Variants in SEC23A observed in about 807,000 individuals in gnomAD.
SEC23A encodes the protein protein transport protein Sec23A.
In SEC23A, 56 loss-of-function variants were observed where a neutral mutation model predicts 103.7. The ratio of observed to expected loss-of-function variants is 0.54; its 90% confidence interval spans 0.44 to 0.67. The LOEUF (loss-of-function observed/expected upper bound fraction) is 0.67. SEC23A is among the 30% of genes least tolerant of loss of function. The probability of loss-of-function intolerance (pLI) is 0.00; values close to 1 mark genes in which losing one functional copy is unlikely to be tolerated. For synonymous variants in SEC23A, 281 were observed against 293.0 expected (o/e 0.96, Z 0.42); for missense variants, 784 against 936.4 (o/e 0.84, Z 2.12).
chr14:39,039,597 G>A, intron 18 of SEC23A: 1 of 155,120 alleles, frequency 6.4e-6, no homozygotes, highest in Admixed American at 6.5e-5. Context: ...GAATAAAAGA[G>A]GAAAATGGTA....
intron 1 of SEC23A, among the ~76,000 whole-genome samples, chr14:39,100,007 A>G (rs1358567926): frequency 6.6e-6 from 1 of 152,198 alleles, no homozygotes; most frequent in African/African-American, 2.4e-5. Flanking sequence ...GACAATAGCC[A>G]GGTTTAACTT....
At position 39,039,020 on chromosome 14, in the gene SEC23A, T is replaced by G; in HGVS notation, c.2208+11A>C. The G allele has an allele frequency of 6.2e-7, 1 of 1,606,390 alleles. No homozygotes were observed. The highest frequency in any genetic ancestry group is 8.5e-7 in the Non-Finnish European group (1 of 1,173,088). On this transcript the variant is annotated intron_variant, in intron 19 of 19. Transcript: ENST00000307712. ...AAGAAATAATTTCCAAGACCTGCTA[T>G]TTAAACTTACCTGCCCCCAGGCATA...
intron 16 of SEC23A, 43 bp downstream of exon 16, chr14:39,045,120 A>G (rs538731320): frequency 6.4e-7 from 1 of 1,559,680 alleles, no homozygotes; most frequent in East Asian, 2.2e-5. Flanking sequence ...AATGCCACAC[A>G]TTGCAGTAAC....
At chr14:39,093,585 C>T (rs2139291478) in intron 2 of SEC23A, among the ~76,000 whole-genome samples, 1 of 152,150 alleles carries the variant, frequency 6.6e-6, no homozygotes, top group Middle Eastern at 3.4e-3. Flanking sequence ...TATGGTGAAA[C>T]CCAGTCTTCA....
At chr14:39,043,170 T>TG (rs557547112) in intron 16 of SEC23A, among the ~76,000 whole-genome samples, 9 of 151,924 alleles carry the variant, frequency 5.9e-5, no homozygotes, top group Non-Finnish European at 8.8e-5. Context: ...TTTGTAGAGA[T>TG]GGGGTCTCAC....
intron 9 of SEC23A, among the ~76,000 whole-genome samples, 199 bp from the exon 10 acceptor site, chr14:39,067,495 A>G (rs1886709118): frequency 1.3e-5 from 2 of 151,216 alleles, no homozygotes; most frequent in African/African-American, 2.4e-5. Context: ...TTCCGAAGGT[A>G]ACAGAGTACC....
intron 19 of SEC23A, among the ~76,000 whole-genome samples, chr14:39,037,948 C>CT (rs1242122437): frequency 6.6e-6 from 1 of 152,200 alleles, no homozygotes; most frequent in African/African-American, 2.4e-5. Context: ...AACCTACAGA[C>CT]TGCTTCCATT....
chr14:39,100,613 A>G (rs1888053091), intron 1 of SEC23A, among the ~76,000 whole-genome samples: 1 of 151,804 alleles, frequency 6.6e-6, no homozygotes, highest in African/African-American at 2.4e-5. Flanking sequence ...GGGTTTCTCC[A>G]TGTTGGTCAG....
chr14:39,068,331 T>G (rs1886741768), intron 9 of SEC23A, among the ~76,000 whole-genome samples: 1 of 152,156 alleles, frequency 6.6e-6, no homozygotes, highest in Non-Finnish European at 1.5e-5. Context: ...CTTGATAATA[T>G]CTAACAAAAT....
At chr14:39,047,877 G>A (rs1052871810) in intron 15 of SEC23A, among the ~76,000 whole-genome samples, 4 of 152,184 alleles carry the variant, frequency 2.6e-5, no homozygotes, top group Non-Finnish European at 5.9e-5. Flanking sequence ...GGAAGATGGA[G>A]GGATAGATTC....
At chr14:39,040,227 G>A (rs145944429) in intron 18 of SEC23A, 248 of 163,100 alleles carry the variant, frequency 1.5e-3, no homozygotes, top group African/African-American at 5.4e-3. Flanking sequence ...TGTATCTAAC[G>A]TATATGTATC....
chr14:39,083,693 G>A (rs1887317300), intron 7 of SEC23A, among the ~76,000 whole-genome samples: 2 of 146,634 alleles, frequency 1.4e-5, no homozygotes, highest in Admixed American at 7.0e-5. Context: ...CTCCCAAGTA[G>A]CTGGGACTAC....
In SEC23A at chr14:39,086,009, A is replaced by T. The variant is rs547390230; in HGVS notation, c.684-103T>A. ...AAAAATAGAAAACAACACTCTGAAC[A>T]CACAGCAGACCAATGGTTCTCAAAC... On this transcript the variant is annotated intron_variant, in intron 6 of 19. Coordinates refer to ENST00000307712, the MANE Select transcript of SEC23A (RefSeq NM_006364.4). 30 of 995,624 alleles carry T rather than the reference A, an allele frequency of 3.0e-5. No individual in the cohort carries two copies. In the African/African-American group the frequency reaches 4.4e-4, roughly 15 times the overall value. 61.7% of individuals were successfully genotyped at this position (995,624 alleles called of 1,614,324 possible). A position where few individuals can be genotyped will look rare whatever the true frequency, so the allele number is the denominator to read the frequency against.
At chr14:39,074,085 T>C (rs1281500991) in intron 9 of SEC23A, among the ~76,000 whole-genome samples, 2 of 152,210 alleles carry the variant, frequency 1.3e-5, no homozygotes, top group Non-Finnish European at 2.9e-5. Flanking sequence ...CCTGTAAATA[T>C]ACTAAAAGCA....
At chr14:39,040,620 T>TG in intron 18 of SEC23A, 112 bp downstream of exon 18, 2 of 1,366,746 alleles carry the variant, frequency 1.5e-6, no homozygotes, top group South Asian at 2.3e-5. Context: ...ACCTATCTCC[T>TG]TACCTTTCTG....
At chr14:39,064,658 T>G in intron 11 of SEC23A, 2 of 470,814 alleles carry the variant, frequency 4.2e-6, no homozygotes, top group East Asian at 4.1e-5. Flanking sequence ...ACAATCAATA[T>G]AAGAATTTTG....
At chr14:39,069,652 G>A (rs1267542996) in intron 9 of SEC23A, among the ~76,000 whole-genome samples, 5 of 151,800 alleles carry the variant, frequency 3.3e-5, no homozygotes, top group South Asian at 4.2e-4. Flanking sequence ...TAGAGACAGG[G>A]TTTCACCATG....
chr14:39,097,911 C>T (rs1392515681), intron 1 of SEC23A, among the ~76,000 whole-genome samples: 3 of 151,944 alleles, frequency 2.0e-5, no homozygotes, highest in Non-Finnish European at 4.4e-5. Context: ...ATGGCAAAAC[C>T]CCGTCTCTAC....
intron 9 of SEC23A, among the ~76,000 whole-genome samples, chr14:39,072,116 C>T (rs1886860221): frequency 6.6e-6 from 1 of 151,632 alleles, no homozygotes; most frequent in African/African-American, 2.4e-5. Flanking sequence ...CCTGTAATTC[C>T]AGCTACTGGG....
Sources: gnomAD v4.1 joint callset for allele counts (sites outside exome capture counted in the v4.1 genomes callset) on GRCh38, gnomAD v4.1.1 for gene constraint, MANE v1.5 for transcripts, NCBI Gene and HGNC (gene_info 2026-07-23, HGNC 2026-07-21) for gene names.